The following SASH1 variants were observed in gnomAD, a reference collection of about 807,000 sequenced individuals.
The protein encoded by SASH1 is SAM and SH3 domain containing 1.
A neutral mutation model predicts 125.2 loss-of-function variants in SASH1; 44 were observed. The observed-to-expected ratio is 0.35, with a 90% CI of 0.28 to 0.45. The LOEUF (loss-of-function observed/expected upper bound fraction) is 0.45. Ranked by LOEUF, SASH1 falls within the 20% of genes least tolerant of loss-of-function variation. The pLI, the probability that SASH1 is intolerant of heterozygous loss-of-function variation, is 1.00. For missense variants in SASH1, 1,426 were observed against 1,614.5 expected (o/e 0.88, Z 2.00); for synonymous variants, 639 against 649.1 (o/e 0.98, Z 0.24).
chr6:148,229,660 A>G, the SASH1 span, among the ~76,000 whole-genome samples: 1 of 151,634 alleles, frequency 6.6e-6, no homozygotes, highest in Admixed American at 6.6e-5. Context: ...ATACAATTCC[A>G]TGACTTCTCA....
At chr6:148,281,331 C>T (rs925869060) in intron 1 of SASH1, among the ~76,000 whole-genome samples, 3 of 151,984 alleles carry the variant, frequency 2.0e-5, no homozygotes, top group Non-Finnish European at 4.4e-5. Flanking sequence ...AAACGATTTC[C>T]GACCTAGAAC....
At chr6:148,466,925 T>G (rs1378872237) in intron 4 of SASH1, among the ~76,000 whole-genome samples, 2 of 152,084 alleles carry the variant, frequency 1.3e-5, no homozygotes, top group East Asian at 3.9e-4. Context: ...GAACTTGTAG[T>G]GAAGATTCAG....
intron 1 of SASH1, among the ~76,000 whole-genome samples, chr6:148,388,276 A>T (rs1051872981): frequency 2.6e-5 from 4 of 152,116 alleles, no homozygotes; most frequent in Non-Finnish European, 5.9e-5. Context: ...CAGGAGGCTG[A>T]GGGCCACGGT....
chr6:148,536,805 G>A (rs973559146), intron 16 of SASH1, among the ~76,000 whole-genome samples: 2 of 152,134 alleles, frequency 1.3e-5, no homozygotes, highest in African/African-American at 4.8e-5. Flanking sequence ...TGAGATTTTT[G>A]TACCAAGGAG....
chr6:148,510,838 A>G (rs1264017577), intron 8 of SASH1, among the ~76,000 whole-genome samples: 1 of 151,958 alleles, frequency 6.6e-6, no homozygotes. Context: ...CTCTACAAAA[A>G]TACAAAAATT....
At chr6:148,276,516 C>T (rs1779187788) in intron 1 of SASH1, among the ~76,000 whole-genome samples, 1 of 152,022 alleles carries the variant, frequency 6.6e-6, no homozygotes, top group Non-Finnish European at 1.5e-5. Flanking sequence ...GAACAGCGCC[C>T]AGTCGATTTG....
rs182008615 is a variant in SASH1 at position 148,458,760 on chromosome 6, C to T, written c.387-9785C>T. Among the ~76,000 whole-genome samples, 342 of 152,128 alleles carry T rather than the reference C, an allele frequency of 2.2e-3. 1 individual carries two copies. Among genetic ancestry groups the T allele is most frequent in the African/African-American group, 7.9e-3 (329 of 41,484 alleles). Reference sequence around the variant, plus strand: ...GTGGGAGAATTGCTTGAGGCCAGGACAAGACCAGCCTGGGCTACATAATGA... The same window carrying T: ...GTGGGAGAATTGCTTGAGGCCAGGATAAGACCAGCCTGGGCTACATAATGA... On this transcript the variant is annotated intron_variant, in intron 4 of 19. Transcript: ENST00000367467.
chr6:148,330,302 T>C lies in SASH1; in HGVS notation n.74+57925T>C, dbSNP rs180886323. The stretch of plus-strand genomic sequence containing the variant: ...GGATTAATTACGTGAGTGAGAATCT[T>C]TTGTTCTATGCACATAACACGATGG... On this transcript the variant is annotated intron_variant and non_coding_transcript_variant, in intron 1 of 3. Transcript: ENST00000367469. Among the ~76,000 whole-genome samples, 43 of 152,344 alleles carry C rather than the reference T, an allele frequency of 2.8e-4. 1 individual carries two copies. The highest frequency in any genetic ancestry group is 2.5e-3 in the Admixed American group (38 of 15,298).
chr6:148,448,348 C>T (rs1037276509), intron 4 of SASH1, among the ~76,000 whole-genome samples: 2 of 152,124 alleles, frequency 1.3e-5, no homozygotes, highest in African/African-American at 4.8e-5. Context: ...TTCTTTTTCT[C>T]TCTTTCCCTA....
intron 1 of SASH1, among the ~76,000 whole-genome samples, chr6:148,363,561 C>T (rs1417057396): frequency 2.0e-5 from 3 of 152,034 alleles, no homozygotes; most frequent in Admixed American, 6.6e-5. Context: ...CCACCACACC[C>T]GGCTAATTTT....
chr6:148,439,984 T>C (rs1268709734), intron 2 of SASH1, among the ~76,000 whole-genome samples, 200 bp from the exon 3 acceptor site: 1 of 152,096 alleles, frequency 6.6e-6, no homozygotes, highest in Non-Finnish European at 1.5e-5. Flanking sequence ...GTTTGGAAAA[T>C]ATTTCAATCT....
intron 2 of SASH1, among the ~76,000 whole-genome samples, chr6:148,413,069 A>C (rs2114915434): frequency 6.6e-6 from 1 of 152,326 alleles, no homozygotes; most frequent in Non-Finnish European, 1.5e-5. Flanking sequence ...GTATTTGATT[A>C]GTTTGAATCT....
chr6:148,372,907 A>G (rs191914456), intron 1 of SASH1, among the ~76,000 whole-genome samples: 4 of 152,316 alleles, frequency 2.6e-5, no homozygotes, highest in Admixed American at 2.0e-4. Context: ...AAGAAGAAAT[A>G]TAAGGGGCCG....
At chr6:148,462,169 G>A (rs1158620257) in intron 4 of SASH1, among the ~76,000 whole-genome samples, 1 of 152,110 alleles carries the variant, frequency 6.6e-6, no homozygotes, top group African/African-American at 2.4e-5. Flanking sequence ...TAATGGAGAA[G>A]TTGATTTCCT....
the SASH1 span, among the ~76,000 whole-genome samples, chr6:148,225,558 T>C: frequency 6.6e-6 from 1 of 152,120 alleles, no homozygotes; most frequent in Middle Eastern, 3.4e-3. Flanking sequence ...ATAATGGACT[T>C]TGGAGACTGA....
intron 2 of SASH1, among the ~76,000 whole-genome samples, chr6:148,396,355 A>G (rs1032435407): frequency 3.3e-5 from 5 of 151,718 alleles, no homozygotes; most frequent in East Asian, 2.0e-4. Context: ...GTGCGCACCT[A>G]TAATCCCAGC....
chr6:148,437,645 C>T (rs1049354290), intron 2 of SASH1, among the ~76,000 whole-genome samples: 5 of 152,146 alleles, frequency 3.3e-5, no homozygotes, highest in African/African-American at 9.7e-5. Context: ...GGGCACAAGA[C>T]GGCATTGCGT....
At chr6:148,490,789 C>T (rs1779076062) in intron 8 of SASH1, among the ~76,000 whole-genome samples, 1 of 152,168 alleles carries the variant, frequency 6.6e-6, no homozygotes, top group South Asian at 2.1e-4. Context: ...CTTCTTGGCA[C>T]ACTTAAAATT....
chr6:148,401,799 T>G (rs1344714748), intron 2 of SASH1, among the ~76,000 whole-genome samples: 3 of 150,806 alleles, frequency 2.0e-5, no homozygotes, highest in South Asian at 4.2e-4. Context: ...GGGGTGTATG[T>G]TTTTTTTTAG....
Sources: gnomAD v4.1 joint callset for allele counts (sites outside exome capture counted in the v4.1 genomes callset) on GRCh38, gnomAD v4.1.1 for gene constraint, MANE v1.5 for transcripts, NCBI Gene and HGNC (gene_info 2026-07-23, HGNC 2026-07-21) for gene names.